The following ANKS1B variants were observed in gnomAD, a reference collection of about 807,000 sequenced individuals.
ANKS1B encodes the protein ankyrin repeat and sterile alpha motif domain-containing protein 1B.
A neutral mutation model predicts 148.3 loss-of-function variants in ANKS1B; 36 were observed. That is an observed-to-expected ratio of 0.24 (90% CI 0.19 to 0.32). The LOEUF (loss-of-function observed/expected upper bound fraction) is 0.32. Among genes scored for constraint, ANKS1B ranks in the 10% least tolerant of loss-of-function variants. ANKS1B has a pLI of 1.00. For synonymous variants in ANKS1B, 542 were observed against 560.8 expected (o/e 0.97, Z 0.47); for missense variants, 1,157 against 1,542.6 (o/e 0.75, Z 4.19).
At chr12:99,630,569 T>A (rs992048376) in intron 9 of ANKS1B, among the ~76,000 whole-genome samples, 1 of 152,232 alleles carries the variant, frequency 6.6e-6, no homozygotes, top group African/African-American at 2.4e-5. Context: ...AACTGAGTTT[T>A]CTCATTTAAA....
At chr12:99,289,989 G>A (rs59852919) in intron 12 of ANKS1B, among the ~76,000 whole-genome samples, 3 of 151,330 alleles carry the variant, frequency 2.0e-5, no homozygotes, top group African/African-American at 7.3e-5. Flanking sequence ...ATGAAAAGTT[G>A]GTTTTTTGAA....
intron 14 of ANKS1B, among the ~76,000 whole-genome samples, chr12:99,238,822 G>C (rs552830041): frequency 1.3e-4 from 20 of 152,322 alleles, no homozygotes; most frequent in East Asian, 1.2e-3. Flanking sequence ...CAGCTGAGGG[G>C]CTTGACTGTT....
At chr12:99,496,138 T>C (rs2096602098) in intron 10 of ANKS1B, among the ~76,000 whole-genome samples, 1 of 152,202 alleles carries the variant, frequency 6.6e-6, no homozygotes, top group African/African-American at 2.4e-5. Flanking sequence ...GTTTTGTAAA[T>C]TGCTCATTAA....
chr12:99,955,350 G>A (rs1043636861), intron 1 of ANKS1B, among the ~76,000 whole-genome samples: 9 of 151,640 alleles, frequency 5.9e-5, no homozygotes, highest in African/African-American at 1.9e-4. Context: ...AAAATTAGCC[G>A]GGCATGGTGG....
chr12:99,433,557 G>A lies in ANKS1B; in HGVS notation c.1575+10116C>T, dbSNP rs574665807. Among the ~76,000 whole-genome samples the A allele has an allele frequency of 2.0e-5, 3 of 152,242 alleles. 1 individual carries two copies. In the South Asian group the frequency reaches 6.2e-4, roughly 32 times the overall value. ...TTGATGGAATGGATCTGAGGTGTGA[G>A]AGAAAGAAAGAAATCAAGGATGGGG... On this transcript the variant is annotated intron_variant, in intron 11 of 26. Coordinates refer to ENST00000683438, the MANE Select transcript of ANKS1B (RefSeq NM_001352186.2).
chr12:99,445,545 TAACAAAGGTATC>T (rs993574818), intron 10 of ANKS1B, among the ~76,000 whole-genome samples: 1 of 152,026 alleles, frequency 6.6e-6, no homozygotes, highest in Non-Finnish European at 1.5e-5. Flanking sequence ...TCATCAATTA[TAACAAAGGTATC>T]ATTTTGGAGC....
chr12:98,883,837 GTTA>G (rs1248257800), intron 17 of ANKS1B, among the ~76,000 whole-genome samples: 1 of 152,078 alleles, frequency 6.6e-6, no homozygotes, highest in Non-Finnish European at 1.5e-5. Context: ...GTTTGATATT[GTTA>G]TTTTTTATTA....
chr12:98,828,201 A>T (rs1164032291), intron 19 of ANKS1B, among the ~76,000 whole-genome samples: 1 of 152,220 alleles, frequency 6.6e-6, no homozygotes, highest in Non-Finnish European at 1.5e-5. Context: ...TCTCTCCCCA[A>T]GGCATCTGCA....
chr12:98,750,833 G>T (rs892306578), intron 26 of ANKS1B, among the ~76,000 whole-genome samples: 1 of 152,232 alleles, frequency 6.6e-6, no homozygotes, highest in African/African-American at 2.4e-5. Context: ...GCACCATGCC[G>T]CAGGAAGCCT....
intron 9 of ANKS1B, among the ~76,000 whole-genome samples, chr12:99,616,452 A>G (rs2097961947): frequency 6.6e-6 from 1 of 152,174 alleles, no homozygotes; most frequent in Non-Finnish European, 1.5e-5. Context: ...TATACAGACC[A>G]ATGGAACAGA....
chr12:99,299,732 A>T (rs2081359247), intron 12 of ANKS1B, among the ~76,000 whole-genome samples: 1 of 152,226 alleles, frequency 6.6e-6, no homozygotes, highest in South Asian at 2.1e-4. Context: ...CATATTTGGG[A>T]AATAGATTAA....
chr12:99,016,517 G>A (rs867097679), intron 17 of ANKS1B, among the ~76,000 whole-genome samples: 7 of 152,082 alleles, frequency 4.6e-5, no homozygotes, highest in Middle Eastern at 3.2e-3. Context: ...TTAACCAGGC[G>A]TGGTGGCACA....
intron 1 of ANKS1B, among the ~76,000 whole-genome samples, chr12:99,877,227 C>G (rs1424298209): frequency 2.6e-5 from 4 of 152,086 alleles, no homozygotes; most frequent in African/African-American, 9.7e-5. Context: ...TCTGTGATAC[C>G]TTTTCCTTTT....
At chr12:99,534,716 T>C (rs1439856264) in intron 9 of ANKS1B, among the ~76,000 whole-genome samples, 112 of 147,304 alleles carry the variant, frequency 7.6e-4, no homozygotes, top group South Asian at 4.4e-4. Context: ...TTTTCTTTTT[T>C]TTTTTTTTTT....
chr12:98,863,367 C>T lies in ANKS1B; in HGVS notation c.2779-31231G>A, dbSNP rs373211765. Among the ~76,000 whole-genome samples the T allele has an allele frequency of 1.6e-4, 25 of 152,246 alleles. 1 individual carries two copies. Among genetic ancestry groups the T allele is most frequent in the Middle Eastern group, 3.4e-3 (1 of 294 alleles). ...CTCTCCACAGGCAATGAATGGGAGA[C>T]GCCAGCTATGCAAATTAGAGTACTG... On this transcript the variant is annotated intron_variant, in intron 17 of 26. Transcript: ENST00000683438.
chr12:98,962,969 T>C (rs1180069654), intron 17 of ANKS1B, among the ~76,000 whole-genome samples: 1 of 152,126 alleles, frequency 6.6e-6, no homozygotes, highest in Non-Finnish European at 1.5e-5. Context: ...AGTTTATAGC[T>C]ATAAGTGCCT....
chr12:99,522,523 G>A (rs147349953), intron 9 of ANKS1B, among the ~76,000 whole-genome samples: 3,142 of 152,202 alleles, frequency 0.021, 38 homozygotes, highest in Middle Eastern at 0.041. Context: ...TTCATACGTT[G>A]TTTACACTGT....
rs754688070 is a variant in ANKS1B, at chr12:99,246,606, G to T, written c.2015C>A (p.Thr672Lys). The change falls in exon 13 of 27, where the codon ACA (threonine) becomes AAA (lysine). Residue 672 changes from threonine to lysine, a missense_variant. Transcript: ENST00000683438. ...TTGGTTGCTTTTTTTGTGAAAAATT[G>T]TTCTACTGACCACTTTGGGTTTAAT... is the stretch of plus-strand genomic sequence containing the variant. The part of the protein sequence containing the change: ...KKIKPKVVSR[T>K]IFHKKSNQLE... The T allele has an allele frequency of 6.2e-7, 1 of 1,613,396 alleles. No individual in the cohort carries two copies. Among genetic ancestry groups the T allele is most frequent in the Non-Finnish European group, 8.5e-7 (1 of 1,179,624 alleles).
intron 11 of ANKS1B, among the ~76,000 whole-genome samples, chr12:99,420,530 A>G (rs888500708): frequency 6.6e-6 from 1 of 152,202 alleles, no homozygotes; most frequent in Admixed American, 6.5e-5. Context: ...TAAAGTGAAG[A>G]TAAGTATTAC....
Sources: allele counts gnomAD v4.1 joint callset (sites outside exome capture counted in the v4.1 genomes callset), GRCh38; gene constraint gnomAD v4.1.1; transcripts MANE v1.5; gene names NCBI Gene and HGNC (gene_info 2026-07-23, HGNC 2026-07-21).